Variants in CPA5 observed in about 807,000 individuals in gnomAD.
CPA5 encodes carboxypeptidase A5.
In CPA5, 38 loss-of-function variants were observed where a neutral mutation model predicts 52.2. That is an observed-to-expected ratio of 0.73 (90% CI 0.56 to 0.95). CPA5 has a LOEUF of 0.95. CPA5 is among the 40% of genes least tolerant of loss of function. The probability of loss-of-function intolerance (pLI) is 0.00; values close to 1 mark genes in which losing one functional copy is unlikely to be tolerated. For missense variants in CPA5, 519 were observed against 566.7 expected (o/e 0.92, Z 0.86); for synonymous variants, 198 against 213.7 (o/e 0.93, Z 0.64).
At chr7:130,359,746 C>CT in intron 6 of CPA5, 59 bp downstream of exon 6, 1 of 1,218,596 alleles carries the variant, frequency 8.2e-7, no homozygotes, top group Non-Finnish European at 1.2e-6. Flanking sequence ...TTAGGGTCTC[C>CT]TGACTCAGTC....
chr7:130,363,392 G>A (rs1554407349), intron 9 of CPA5, 27 bp from the exon 10 acceptor site: 2 of 1,549,306 alleles, frequency 1.3e-6, no homozygotes, highest in African/African-American at 1.4e-5. Context: ...CCCAGTGAAT[G>A]AGGTCACCTG....
chr7:130,353,918 A>C (rs1343914350), intron 5 of CPA5, among the ~76,000 whole-genome samples: 4 of 152,152 alleles, frequency 2.6e-5, no homozygotes, highest in African/African-American at 9.7e-5. Flanking sequence ...AAGGCTTTTC[A>C]TTTTATTGTA....
intron 5 of CPA5, among the ~76,000 whole-genome samples, chr7:130,351,968 G>C (rs1274081233): frequency 2.0e-5 from 3 of 152,076 alleles, no homozygotes; most frequent in African/African-American, 7.2e-5. Flanking sequence ...CTCAGCCAAG[G>C]TTCAGCTCCA....
intron 5 of CPA5, among the ~76,000 whole-genome samples, chr7:130,357,433 C>T (rs1336720068): frequency 2.0e-5 from 3 of 152,072 alleles, no homozygotes; most frequent in East Asian, 1.9e-4. Flanking sequence ...ACCAGCCTGA[C>T]CAACATGGAG....
intron 6 of CPA5, among the ~76,000 whole-genome samples, chr7:130,360,778 T>C (rs782363607): frequency 2.6e-4 from 40 of 152,178 alleles, no homozygotes; most frequent in Non-Finnish European, 4.9e-4. Context: ...GCCTGTCAGA[T>C]CTGTCAAACG....
At chr7:130,346,664 C>A in intron 3 of CPA5, 63 bp downstream of exon 3, 2 of 1,379,826 alleles carry the variant, frequency 1.4e-6, no homozygotes, top group Non-Finnish European at 1.0e-6. Flanking sequence ...GGTGTCCCAG[C>A]AGGAGGTGGC....
rs557078746 is a variant in CPA5, at chr7:130,364,708, T to C, written c.838+1199T>C. Among the ~76,000 whole-genome samples, 3 of 152,352 alleles carry C rather than the reference T, an allele frequency of 2.0e-5. No individual in the cohort carries two copies. The East Asian group carries it at 5.8e-4, about 29-fold the overall frequency. On this transcript the variant is annotated intron_variant, in intron 10 of 12. Coordinates refer to ENST00000474905, the MANE Select transcript of CPA5 (RefSeq NM_080385.5). ...TTTTTGACCCATTACTTTATGACCCTGGTGCATACCTGCAGAGCTGGCTGA... is the reference window on the plus strand; with the variant it reads ...TTTTTGACCCATTACTTTATGACCCCGGTGCATACCTGCAGAGCTGGCTGA...
chr7:130,371,281 C>T (rs1264480894), downstream of CPA5, among the ~76,000 whole-genome samples: 1 of 152,262 alleles, frequency 6.6e-6, no homozygotes, highest in African/African-American at 2.4e-5. Context: ...ATGTCGCCTC[C>T]TCACAGCTCT....
the CPA5 span, among the ~76,000 whole-genome samples, chr7:130,373,919 C>G: frequency 6.6e-6 from 1 of 152,228 alleles, no homozygotes; most frequent in Non-Finnish European, 1.5e-5. Context: ...CAAGGACTAT[C>G]CCAAGTACGT....
chr7:130,346,953 C>T (rs1344410514), intron 3 of CPA5, among the ~76,000 whole-genome samples: 1 of 152,206 alleles, frequency 6.6e-6, no homozygotes, highest in Non-Finnish European at 1.5e-5. Flanking sequence ...GTAGCCCCCA[C>T]AAGACTACAT....
intron 5 of CPA5, among the ~76,000 whole-genome samples, chr7:130,354,259 C>T (rs1554404701): frequency 6.6e-6 from 1 of 152,216 alleles, no homozygotes; most frequent in Middle Eastern, 3.4e-3. Context: ...ACCCTTCTTC[C>T]CCACTTCTCC....
chr7:130,363,144 C>T lies in CPA5; in HGVS notation c.747+150C>T, dbSNP rs1795886699. The T allele has an allele frequency of 9.7e-6, 6 of 616,946 alleles. No individual in the cohort carries two copies. In the East Asian group the frequency reaches 1.6e-4, roughly 17 times the overall value. 38.2% of individuals were successfully genotyped at this position (616,946 alleles called of 1,614,324 possible). ...GGCTGCTCAGGTACTGCACCTGCAG[C>T]CTCTTGCCCTCTGACCTCTTTCTTG... On this transcript the variant is annotated intron_variant, in intron 9 of 12. Coordinates refer to ENST00000474905, the MANE Select transcript of CPA5 (RefSeq NM_080385.5).
At chr7:130,367,830 C>A in intron 11 of CPA5, 76 bp from the exon 12 acceptor site, 2 of 1,276,454 alleles carry the variant, frequency 1.6e-6, no homozygotes, top group Non-Finnish European at 2.3e-6. Flanking sequence ...TGCTTCTCAC[C>A]AGCTGGTGAG....
chr7:130,347,553 C>T (rs1794844850), intron 3 of CPA5, among the ~76,000 whole-genome samples: 1 of 152,190 alleles, frequency 6.6e-6, no homozygotes, highest in Non-Finnish European at 1.5e-5. Flanking sequence ...CTGGAGAGCC[C>T]ACTGGCTCTA....
chr7:130,363,052 G>T, intron 9 of CPA5, 58 bp downstream of exon 9: 2 of 1,077,878 alleles, frequency 1.9e-6, no homozygotes, highest in Non-Finnish European at 2.8e-6. Context: ...ATGGAGAAAA[G>T]GTCACTGTGC....
chr7:130,347,739 C>T (rs1438571217), intron 3 of CPA5, 27 bp from the exon 4 acceptor site: 15 of 1,598,480 alleles, frequency 9.4e-6, no homozygotes, highest in Non-Finnish European at 1.3e-5. Context: ...TCCGCAGCTT[C>T]CTCCGCCCCT....
At chr7:130,363,560 A>C (rs1182391064) in intron 10 of CPA5, 51 bp downstream of exon 10, 2 of 1,448,382 alleles carry the variant, frequency 1.4e-6, no homozygotes, top group Admixed American at 2.0e-5. Flanking sequence ...GTGTTGGCCC[A>C]TGGCAGGTTC....
At position 130,368,719 on chromosome 7, in the gene CPA5, G is replaced by A. The variant is rs1796240880; in HGVS notation, c.*122G>A. On this transcript the variant is annotated 3_prime_UTR_variant, in exon 13 of 13. Transcript: ENST00000474905. The stretch of plus-strand genomic sequence containing the variant: ...CCGACCTCTTAGAAAATAAATACAA[G>A]TTTGAACAGGCTTCGCTGCCTCTCG... The A allele has an allele frequency of 1.9e-6, 2 of 1,036,334 alleles. No individual in the cohort carries two copies. The highest frequency in any genetic ancestry group is 2.8e-6 in the Non-Finnish European group (2 of 706,838). 64.2% of individuals were successfully genotyped at this position (1,036,334 alleles called of 1,614,324 possible).
intron 5 of CPA5, among the ~76,000 whole-genome samples, chr7:130,359,349 G>T (rs1181080397): frequency 2.0e-5 from 3 of 152,224 alleles, no homozygotes; most frequent in African/African-American, 7.2e-5. Context: ...CTAGAACCCA[G>T]CTCTCTGGAC....
Sources: gnomAD v4.1 joint callset for allele counts (sites outside exome capture counted in the v4.1 genomes callset) on GRCh38, gnomAD v4.1.1 for gene constraint, MANE v1.5 for transcripts, NCBI Gene and HGNC (gene_info 2026-07-23, HGNC 2026-07-21) for gene names.